The following KIAA1671 variants were observed in gnomAD, a reference collection of about 807,000 sequenced individuals.
KIAA1671 encodes the protein KIAA1671, also known as uncharacterized protein KIAA1671.
In KIAA1671, 52 loss-of-function variants were observed where a neutral mutation model predicts 131.2. The observed-to-expected ratio is 0.40, with a 90% CI of 0.32 to 0.50. KIAA1671 has a LOEUF of 0.50. KIAA1671 is among the 20% of genes least tolerant of loss of function. KIAA1671 has a pLI of 0.73. For missense variants in KIAA1671, 2,360 were observed against 2,364.2 expected (o/e 1.00, Z 0.04); for synonymous variants, 1,003 against 961.6 (o/e 1.04, Z -0.80).
intron 6 of KIAA1671, among the ~76,000 whole-genome samples, chr22:25,130,804 A>G (rs574898556): frequency 2.6e-5 from 4 of 152,260 alleles, no homozygotes; most frequent in African/African-American, 9.6e-5. Context: ...CTGGGGAAAT[A>G]GCACAGCTTA....
At chr22:25,032,058 A>G (rs947582790) in intron 3 of KIAA1671, among the ~76,000 whole-genome samples, 56 of 152,320 alleles carry the variant, frequency 3.7e-4, no homozygotes, top group African/African-American at 1.3e-3. Context: ...CGAGGCCCAA[A>G]GAGGGCCCTG....
chr22:25,060,687 A>G (rs1166496456), intron 6 of KIAA1671: 1 of 152,172 alleles, frequency 6.6e-6, no homozygotes, highest in African/African-American at 2.4e-5. Context: ...CAGGTAGCAC[A>G]GGTGGGGGCT....
intron 6 of KIAA1671, among the ~76,000 whole-genome samples, chr22:25,140,846 A>T (rs1269515900): frequency 6.6e-6 from 1 of 152,210 alleles, no homozygotes; most frequent in African/African-American, 2.4e-5. Flanking sequence ...TGCATTTCAT[A>T]TGTGGTCACT....
intron 6 of KIAA1671, among the ~76,000 whole-genome samples, chr22:25,117,810 C>T (rs1248396721): frequency 1.3e-5 from 2 of 152,122 alleles, no homozygotes; most frequent in African/African-American, 4.8e-5. Context: ...ATAACTTCAT[C>T]TCTCACAGTT....
At chr22:24,996,977 C>G (rs1409473986) in intron 1 of KIAA1671, among the ~76,000 whole-genome samples, 3 of 152,178 alleles carry the variant, frequency 2.0e-5, no homozygotes, top group African/African-American at 7.2e-5. Flanking sequence ...CCTCTCGGGG[C>G]CGAATTTTAC....
intron 4 of KIAA1671, among the ~76,000 whole-genome samples, chr22:25,035,416 A>G (rs1926535245): frequency 6.6e-6 from 1 of 152,140 alleles, no homozygotes; most frequent in Non-Finnish European, 1.5e-5. Context: ...TGGTAGATGC[A>G]TGTTTTATGT....
At chr22:24,988,253 T>C (rs1030455641) in intron 1 of KIAA1671, among the ~76,000 whole-genome samples, 13 of 144,844 alleles carry the variant, frequency 9.0e-5, no homozygotes, top group Non-Finnish European at 1.5e-4. Context: ...GCACTCCAGC[T>C]TGGGCAACAA....
In KIAA1671 at chr22:25,179,618, A is replaced by G. The variant is rs566805970; in HGVS notation, c.5075-2081A>G. 54 of 933,448 alleles carry G rather than the reference A, an allele frequency of 5.8e-5. No homozygotes were observed. In the East Asian group the frequency reaches 1.3e-3, roughly 23 times the overall value. The allele number at this position is 933,448 out of a possible 1,614,324, so 57.8% of individuals were successfully genotyped here. A position where few individuals can be genotyped will look rare whatever the true frequency, so the allele number is the denominator to read the frequency against. ...GTTGGCCTCCAGGGTGGCACTCCCA[A>G]AAGTGGAAACTGATTTCTTGTTATG... On this transcript the variant is annotated intron_variant, in intron 9 of 12. Transcript: ENST00000358431.
At chr22:25,085,751 A>C (rs999219016) in intron 6 of KIAA1671, among the ~76,000 whole-genome samples, 7 of 144,040 alleles carry the variant, frequency 4.9e-5, no homozygotes, top group African/African-American at 1.8e-4. Flanking sequence ...TGAGTGAAGC[A>C]AACTGATAAG....
At chr22:24,990,941 C>T (rs1923807592) in intron 1 of KIAA1671, among the ~76,000 whole-genome samples, 1 of 152,132 alleles carries the variant, frequency 6.6e-6, no homozygotes, top group Non-Finnish European at 1.5e-5. Context: ...CTTGACCACA[C>T]TGTCCCACCC....
chr22:25,189,079 C>T (rs1044614442), intron 11 of KIAA1671, among the ~76,000 whole-genome samples: 2 of 150,338 alleles, frequency 1.3e-5, no homozygotes, highest in Non-Finnish European at 2.9e-5. Flanking sequence ...GAGGAAGTGT[C>T]GAAGTCCAAA....
chr22:25,137,067 G>A (rs1298773735), intron 6 of KIAA1671, among the ~76,000 whole-genome samples: 1 of 152,164 alleles, frequency 6.6e-6, no homozygotes. Context: ...AGGGTACCAA[G>A]TGGCTTTCCC....
chr22:25,044,158 G>A (rs988946189), intron 5 of KIAA1671, among the ~76,000 whole-genome samples: 14 of 152,182 alleles, frequency 9.2e-5, no homozygotes, highest in Non-Finnish European at 1.8e-4. Context: ...GAATCTCCAC[G>A]CTGCTACTTG....
intron 6 of KIAA1671, among the ~76,000 whole-genome samples, chr22:25,140,399 G>A (rs1020945924): frequency 2.0e-5 from 3 of 151,212 alleles, no homozygotes; most frequent in African/African-American, 7.3e-5. Context: ...TTTTTGAGAC[G>A]GAGTCTCGCT....
chr22:25,032,613 T>C lies in KIAA1671; in HGVS notation c.1546T>C (p.Ser516Pro). 6.5e-7 allele frequency: 1 copy of C among 1,543,782 alleles called. No individual in the cohort carries two copies. The highest frequency in any genetic ancestry group is 8.8e-7 in the Non-Finnish European group (1 of 1,140,554). ...PLSADLTKLFSSSASSNEVKY... is the reference protein window; with the variant it reads ...PLSADLTKLFPSSASSNEVKY... ...TAACTCAGATCTCTGTACCAGGTTT[T>C]CAAGTTCAGCTTCCAGCAACGAAGT... The change falls in exon 4 of 13, where the codon TCA becomes CCA. Residue 516 changes from serine to proline, a missense_variant. Physicochemically the swap from Ser to Pro is moderately conservative, Grantham distance 74. Around this residue, in one of 3 missense-constraint regions of KIAA1671, gnomAD observed 1,185 missense variants for 1,126.2 expected, o/e 1.05. Transcript: ENST00000358431.
At chr22:25,071,241 A>G (rs569080361) in intron 6 of KIAA1671, among the ~76,000 whole-genome samples, 1 of 152,366 alleles carries the variant, frequency 6.6e-6, no homozygotes, top group East Asian at 1.9e-4. Flanking sequence ...CAGCACACCC[A>G]AAAGGGAAAG....
intron 1 of KIAA1671, among the ~76,000 whole-genome samples, chr22:24,963,977 G>C (rs1602029560): frequency 6.6e-6 from 1 of 151,540 alleles, no homozygotes; most frequent in South Asian, 2.1e-4. Context: ...GATAACTGAG[G>C]CTGCCACTCA....
In KIAA1671 at chr22:24,956,085, G is replaced by A. The variant is rs56880729; in HGVS notation, c.-208+3313G>A. ...ATCCTGGTGAGAGACCGCGGTGCGC[G>A]GTGGACTGGACGTAGAGACCAATGG... is the stretch of plus-strand genomic sequence containing the variant. On this transcript the variant is annotated intron_variant, in intron 1 of 12. Transcript: ENST00000358431. Among the ~76,000 whole-genome samples, 651 of 152,222 alleles carry A rather than the reference G, an allele frequency of 4.3e-3. 2 individuals carry two copies. The highest frequency in any genetic ancestry group is 0.015 in the African/African-American group (622 of 41,548).
intron 6 of KIAA1671, among the ~76,000 whole-genome samples, chr22:25,155,600 T>C (rs1387894172): frequency 6.6e-6 from 1 of 152,056 alleles, no homozygotes; most frequent in East Asian, 1.9e-4. Flanking sequence ...GTGTATGTGC[T>C]TGTGTATATT....
Sources: allele counts gnomAD v4.1 joint callset (sites outside exome capture counted in the v4.1 genomes callset), GRCh38; gene constraint gnomAD v4.1.1; regional missense constraint gnomAD v4.1.1; transcripts MANE v1.5; gene names NCBI Gene and HGNC (gene_info 2026-07-23, HGNC 2026-07-21).